Variants in WAC observed in about 807,000 individuals in gnomAD.
WAC encodes the protein WW domain-containing adapter protein with coiled-coil.
WAC carries 11 observed loss-of-function variants against 79.6 expected under a neutral mutation model. That is an observed-to-expected ratio of 0.14 (90% CI 0.09 to 0.23). The LOEUF (loss-of-function observed/expected upper bound fraction) is 0.23. WAC is among the 10% of genes least tolerant of loss of function. The pLI is 1.00. For synonymous variants in WAC, 304 were observed against 276.9 expected (o/e 1.10, Z -0.97); for missense variants, 728 against 773.5 (o/e 0.94, Z 0.70).
chr10:28,606,053 T>A (rs1173496778), intron 7 of WAC, among the ~76,000 whole-genome samples: 2 of 63,942 alleles, frequency 3.1e-5, no homozygotes, highest in African/African-American at 6.9e-5. Flanking sequence ...AGCAGTTTTT[T>A]GGTTTTTTTT....
At chr10:28,612,935 G>C (rs745819483) in intron 10 of WAC, among the ~76,000 whole-genome samples, 6 of 152,152 alleles carry the variant, frequency 3.9e-5, no homozygotes, top group Non-Finnish European at 4.4e-5. Context: ...GTGGTTAAAA[G>C]TGAAATAAGT....
intron 4 of WAC, among the ~76,000 whole-genome samples, chr10:28,586,572 A>G (rs906541581): frequency 4.6e-5 from 7 of 152,146 alleles, no homozygotes; most frequent in African/African-American, 1.4e-4. Context: ...TGTGGTCCCA[A>G]CTACTTGGAA....
intron 3 of WAC, among the ~76,000 whole-genome samples, chr10:28,536,378 A>T (rs1836676441): frequency 6.6e-6 from 1 of 152,222 alleles, no homozygotes; most frequent in Non-Finnish European, 1.5e-5. Context: ...TGACCTTTTA[A>T]AGATTTCAGT....
chr10:28,595,259 G>T (rs1223967152), intron 6 of WAC, among the ~76,000 whole-genome samples: 1 of 152,152 alleles, frequency 6.6e-6, no homozygotes, highest in Non-Finnish European at 1.5e-5. Context: ...TATTCAGAAA[G>T]ACCAGGCTAA....
At chr10:28,541,389 A>G (rs1281395046) in intron 3 of WAC, among the ~76,000 whole-genome samples, 2 of 135,558 alleles carry the variant, frequency 1.5e-5, no homozygotes, top group African/African-American at 2.7e-5. Context: ...TACAAAACCA[A>G]TTTTTGTGGG....
intron 8 of WAC, among the ~76,000 whole-genome samples, chr10:28,609,542 AG>A (rs1482123415): frequency 6.6e-6 from 1 of 152,148 alleles, no homozygotes; most frequent in Non-Finnish European, 1.5e-5. Flanking sequence ...CTAACCACGC[AG>A]TTCTCTTGTG....
intron 3 of WAC, among the ~76,000 whole-genome samples, chr10:28,546,622 A>T (rs1837360629): frequency 1.3e-5 from 2 of 152,186 alleles, no homozygotes; most frequent in South Asian, 4.1e-4. Context: ...AAACTAAAAT[A>T]ATTTTATATT....
intron 3 of WAC, 152 bp downstream of exon 3, chr10:28,535,909 G>C (rs1836638445): frequency 1.4e-6 from 1 of 692,528 alleles, no homozygotes; most frequent in East Asian, 3.1e-5. Flanking sequence ...CTCTGAACAA[G>C]TTACTGTAGA....
rs1564426155 is a variant in WAC, at chr10:28,621,214, G to GTTT, written c.*1608_*1609insTTT. 1.3e-5 allele frequency: 1 copy of GTTT among 76,574 alleles called. No homozygotes were observed. Among genetic ancestry groups the GTTT allele is most frequent in the African/African-American group, 5.2e-5 (1 of 19,128 alleles). The allele number at this position is 76,574 out of a possible 1,614,324, so 4.7% of individuals were successfully genotyped here. A position where few individuals can be genotyped will look rare whatever the true frequency, so the allele number is the denominator to read the frequency against. On this transcript the variant is annotated 3_prime_UTR_variant, in exon 14 of 14. Transcript: ENST00000354911. ...TTAAATTGGTTTAGGGTTTTTTGGT[G>GTTT]ATTTTTTTTTTTTTTTTTTTTCTGT...
At chr10:28,562,461 A>G (rs184781121) in intron 3 of WAC, among the ~76,000 whole-genome samples, 2 of 152,212 alleles carry the variant, frequency 1.3e-5, no homozygotes, top group East Asian at 1.9e-4. Flanking sequence ...TACAACCATG[A>G]TTTTTTGGTC....
At chr10:28,538,150 TAGTG>T (rs1836784293) in intron 3 of WAC, 1 of 157,030 alleles carries the variant, frequency 6.4e-6, no homozygotes, top group African/African-American at 2.4e-5. Context: ...CCTCATTTTA[TAGTG>T]AGATATTTAG....
chr10:28,578,349 C>T (rs1373444960), intron 3 of WAC, among the ~76,000 whole-genome samples: 2 of 152,114 alleles, frequency 1.3e-5, no homozygotes, highest in Non-Finnish European at 2.9e-5. Flanking sequence ...ATTTAGTATA[C>T]AGATATACCT....
intron 3 of WAC, among the ~76,000 whole-genome samples, chr10:28,579,944 CT>C (rs1839449310): frequency 6.6e-6 from 1 of 151,956 alleles, no homozygotes. Context: ...TATAAAACCT[CT>C]TATGTGAATT....
chr10:28,611,681 A>G, intron 9 of WAC, 93 bp from the exon 10 acceptor site: 2 of 1,491,816 alleles, frequency 1.3e-6, no homozygotes, highest in South Asian at 2.6e-5. Context: ...GTTTAGAGTA[A>G]TACAAATATC....
chr10:28,555,903 AT>A (rs1286884507), intron 3 of WAC, among the ~76,000 whole-genome samples: 1 of 152,136 alleles, frequency 6.6e-6, no homozygotes, highest in Non-Finnish European at 1.5e-5. Context: ...ATGAGCTTCT[AT>A]TCTTTATAAA....
intron 11 of WAC, chr10:28,615,877 T>C (rs1246567154): frequency 4.0e-6 from 1 of 248,880 alleles, no homozygotes; most frequent in Non-Finnish European, 7.7e-6. Flanking sequence ...TGACTTTTTT[T>C]AGTTATATTA....
intron 5 of WAC, 121 bp from the exon 6 acceptor site, chr10:28,590,599 C>A: frequency 1.3e-6 from 1 of 770,246 alleles, no homozygotes; most frequent in South Asian, 1.9e-5. Flanking sequence ...TAAATTATGA[C>A]CATGTTCACT....
In WAC at chr10:28,534,054, T is replaced by G. The variant is rs770335998; in HGVS notation, c.78+20T>G. On this transcript the variant is annotated intron_variant, in intron 2 of 13. Coordinates refer to ENST00000354911, the MANE Select transcript of WAC (RefSeq NM_016628.5). ...TACCAGGTACCAGCCGAGGCCGGGG[T>G]GGAGGGATTGGAAGGGGCCGGAGGG... The G allele has an allele frequency of 1.3e-6, 2 of 1,568,438 alleles. No homozygotes were observed. Among genetic ancestry groups the G allele is most frequent in the Non-Finnish European group, 1.7e-6 (2 of 1,159,962 alleles).
At chr10:28,579,810 T>C (rs945475236) in intron 3 of WAC, among the ~76,000 whole-genome samples, 3 of 152,172 alleles carry the variant, frequency 2.0e-5, no homozygotes, top group African/African-American at 7.2e-5. Context: ...GCTTTTATTC[T>C]GAGACATTTA....
Sources: gnomAD v4.1 joint callset for allele counts (sites outside exome capture counted in the v4.1 genomes callset) on GRCh38, gnomAD v4.1.1 for gene constraint, MANE v1.5 for transcripts, NCBI Gene and HGNC (gene_info 2026-07-23, HGNC 2026-07-21) for gene names.